CSMD1: variants seen among roughly 807,000 people sequenced by gnomAD.
CSMD1 encodes the protein CUB and Sushi multiple domains 1.
A neutral mutation model predicts 417.5 loss-of-function variants in CSMD1; 213 were observed. The ratio of observed to expected loss-of-function variants is 0.51; its 90% CI spans 0.46 to 0.57. CSMD1 has a LOEUF of 0.57. Among genes scored for constraint, CSMD1 ranks in the 20% least tolerant of loss-of-function variants. The probability of loss-of-function intolerance (pLI) is 0.00; values close to 1 mark genes in which losing one functional copy is unlikely to be tolerated. For synonymous variants in CSMD1, 2,862 were observed against 1,736.8 expected, an observed-to-expected ratio of 1.65 and a Z score of -16.11; for missense variants, 6,923 against 4,529.7, an observed-to-expected ratio of 1.53 and a Z score of -15.17.
chr8:4,843,507 T>C (rs1210834429), intron 1 of CSMD1, among the ~76,000 whole-genome samples: 2 of 152,080 alleles, frequency 1.3e-5, no homozygotes, highest in African/African-American at 4.8e-5. Context: ...GACTAATCGA[T>C]CTAACTCCCC....
chr8:4,874,434 G>T (rs1051741094), intron 1 of CSMD1, among the ~76,000 whole-genome samples: 23 of 136,652 alleles, frequency 1.7e-4, no homozygotes, highest in Admixed American at 4.1e-4. Context: ...CTGTCACCCA[G>T]GCTGGCATGC....
At chr8:3,300,958 C>A (rs1234149609) in intron 25 of CSMD1, among the ~76,000 whole-genome samples, 279 of 50,522 alleles carry the variant, frequency 5.5e-3, no homozygotes, top group Middle Eastern at 0.031. Context: ...GACTCTGTCT[C>A]AAAAAAAAAA....
chr8:2,994,429 G>A (rs752299023), intron 54 of CSMD1, among the ~76,000 whole-genome samples: 2 of 152,130 alleles, frequency 1.3e-5, no homozygotes, highest in Admixed American at 6.5e-5. Context: ...GAGGACGCAG[G>A]TGCTGATGTC....
chr8:4,144,042 T>G (rs550017713), intron 3 of CSMD1, among the ~76,000 whole-genome samples: 2 of 151,340 alleles, frequency 1.3e-5, no homozygotes, highest in Admixed American at 6.6e-5. Flanking sequence ...CCTTTGATCC[T>G]TTGTTGTTAG....
intron 1 of CSMD1, among the ~76,000 whole-genome samples, chr8:4,954,938 G>C (rs1430354618): frequency 1.3e-5 from 2 of 152,112 alleles, no homozygotes; most frequent in East Asian, 3.9e-4. Context: ...ACATGTTTCT[G>C]TTTGTCTGTG....
At chr8:4,804,555 C>A (rs536350571) in intron 1 of CSMD1, among the ~76,000 whole-genome samples, 2 of 147,704 alleles carry the variant, frequency 1.4e-5, no homozygotes, top group African/African-American at 2.5e-5. Flanking sequence ...GAGGGAGGAA[C>A]ACTGGGAGGG....
intron 1 of CSMD1, among the ~76,000 whole-genome samples, chr8:4,746,740 AC>A (rs1296632584): frequency 1.3e-5 from 2 of 152,138 alleles, no homozygotes; most frequent in African/African-American, 4.8e-5. Context: ...GGTGGGAGTC[AC>A]CGGTAGAACC....
intron 37 of CSMD1, among the ~76,000 whole-genome samples, chr8:3,178,745 T>C (rs1422881324): frequency 1.3e-5 from 2 of 152,164 alleles, no homozygotes. Flanking sequence ...TTTTTTTCCA[T>C]TTTTATTTCA....
intron 1 of CSMD1, among the ~76,000 whole-genome samples, chr8:4,750,115 C>T (rs1811212145): frequency 6.6e-6 from 1 of 152,186 alleles, no homozygotes; most frequent in South Asian, 2.1e-4. Flanking sequence ...ACCCCATTCT[C>T]CTGCCTCAGC....
intron 57 of CSMD1, among the ~76,000 whole-genome samples, chr8:2,966,997 A>G (rs1238829274): frequency 6.6e-6 from 1 of 152,228 alleles, no homozygotes. Context: ...AACAAATTAA[A>G]ACATGAGTTA....
chr8:4,646,693 T>A (rs1221551901), intron 1 of CSMD1, among the ~76,000 whole-genome samples: 1 of 152,188 alleles, frequency 6.6e-6, no homozygotes, highest in Non-Finnish European at 1.5e-5. Flanking sequence ...CATGCTCTAT[T>A]TTAATGCTTA....
At chr8:4,006,294 A>T (rs966844990) in intron 4 of CSMD1, among the ~76,000 whole-genome samples, 1 of 152,198 alleles carries the variant, frequency 6.6e-6, no homozygotes, top group African/African-American at 2.4e-5. Flanking sequence ...AAAAAATGAA[A>T]AGCATTTGGG....
chr8:4,182,432 T>C (rs912182259), intron 3 of CSMD1, among the ~76,000 whole-genome samples: 8 of 152,140 alleles, frequency 5.3e-5, no homozygotes, highest in African/African-American at 1.9e-4. Flanking sequence ...AGCCCACTTA[T>C]ATAATGAAAT....
At chr8:4,535,946 T>C (rs2130487526) in intron 2 of CSMD1, among the ~76,000 whole-genome samples, 1 of 152,288 alleles carries the variant, frequency 6.6e-6, no homozygotes, top group Middle Eastern at 3.4e-3. Flanking sequence ...GAAACTTAGA[T>C]CTTAACAATG....
intron 25 of CSMD1, among the ~76,000 whole-genome samples, chr8:3,286,456 G>A: frequency 6.6e-6 from 1 of 152,158 alleles, no homozygotes; most frequent in Non-Finnish European, 1.5e-5. Flanking sequence ...GTGTGAAAGT[G>A]TTCCTATTTC....
intron 1 of CSMD1, among the ~76,000 whole-genome samples, chr8:4,700,060 G>C (rs184247312): frequency 7.5e-4 from 114 of 152,278 alleles, no homozygotes; most frequent in African/African-American, 2.6e-3. Context: ...AAACCACTGA[G>C]TCCTTTTCCT....
intron 1 of CSMD1, among the ~76,000 whole-genome samples, chr8:4,895,143 A>G (rs974300348): frequency 6.6e-6 from 1 of 152,216 alleles, no homozygotes; most frequent in Non-Finnish European, 1.5e-5. Context: ...TTTGATTTAC[A>G]TTCGCTTCTG....
At chr8:4,111,634 T>A (rs1395998944) in intron 3 of CSMD1, among the ~76,000 whole-genome samples, 1 of 151,978 alleles carries the variant, frequency 6.6e-6, no homozygotes, top group Non-Finnish European at 1.5e-5. Flanking sequence ...GTGGATGGAG[T>A]TAGAAGCCAT....
intron 2 of CSMD1, among the ~76,000 whole-genome samples, chr8:4,457,103 T>C (rs1799536409): frequency 6.6e-6 from 1 of 152,004 alleles, no homozygotes; most frequent in South Asian, 2.1e-4. Context: ...AATATGACTA[T>C]CGATGTGTTT....
Sources: allele counts gnomAD v4.1 joint callset (sites outside exome capture counted in the v4.1 genomes callset), GRCh38; gene constraint gnomAD v4.1.1; transcripts MANE v1.5; gene names NCBI Gene and HGNC (gene_info 2026-07-23, HGNC 2026-07-21).